KCNMA1: variants seen among roughly 807,000 people sequenced by gnomAD.
KCNMA1 encodes potassium calcium-activated channel subfamily M alpha 1.
A neutral mutation model predicts 140.0 loss-of-function variants in KCNMA1; 29 were observed. That is an observed-to-expected ratio of 0.21 (90% CI 0.15 to 0.28). The LOEUF is 0.28. KCNMA1 is among the 10% of genes least tolerant of loss of function. The probability of loss-of-function intolerance (pLI) is 1.00; values close to 1 mark genes in which losing one functional copy is unlikely to be tolerated. For missense variants in KCNMA1, 880 were observed against 1,602.2 expected, an observed-to-expected ratio of 0.55 and a Z score of 7.70; for synonymous variants, 612 against 611.9, an observed-to-expected ratio of 1.00 and a Z score of 0.00.
rs1255926812 is a variant in KCNMA1 at position 77,382,988 on chromosome 10, GTGTGTGTATATA to G, written c.540+20862_540+20873del. On this transcript the variant is annotated intron_variant, in intron 2 of 27. Coordinates refer to ENST00000286628, the MANE Select transcript of KCNMA1 (RefSeq NM_001161352.2). Reference sequence around the variant, plus strand: ...TGTGTGTGTGTGTGTGTGTGTGTGTGTGTGTGTATATATATATATATATATATATATATATAT... The same window carrying G: ...TGTGTGTGTGTGTGTGTGTGTGTGTGTATATATATATATATATATATATAT... Among the ~76,000 whole-genome samples, 287 of 44,930 alleles carry G rather than the reference GTGTGTGTATATA, an allele frequency of 6.4e-3. 2 individuals carry two copies. The highest frequency in any genetic ancestry group is 0.038 in the African/African-American group (269 of 7,086). The allele number at this position is 44,930 out of a possible 152,430, so 29.5% of individuals were successfully genotyped here.
intron 2 of KCNMA1, among the ~76,000 whole-genome samples, chr10:77,323,103 A>T (rs901562355): frequency 2.0e-5 from 3 of 152,132 alleles, no homozygotes; most frequent in African/African-American, 7.2e-5. Context: ...TCCTCATTTT[A>T]AAAAAGGGAA....
chr10:77,011,688 T>C (rs1219481899), intron 18 of KCNMA1, among the ~76,000 whole-genome samples: 3 of 152,178 alleles, frequency 2.0e-5, no homozygotes, highest in African/African-American at 7.2e-5. Context: ...TTGTCTCTGT[T>C]AGACTGGACA....
chr10:77,080,652 T>G (rs953961412), intron 12 of KCNMA1, among the ~76,000 whole-genome samples: 1 of 152,138 alleles, frequency 6.6e-6, no homozygotes, highest in African/African-American at 2.4e-5. Context: ...TGCATGTGCG[T>G]ACTGGGGAGT....
intron 23 of KCNMA1, among the ~76,000 whole-genome samples, chr10:76,920,051 T>C (rs1005367210): frequency 0.018 from 2,129 of 116,658 alleles, 107 homozygotes; most frequent in African/African-American, 0.075. Context: ...TATATATATA[T>C]ACACACAATA....
chr10:77,637,126 G>A (rs530108420), intron 1 of KCNMA1, 139 bp downstream of exon 1: 2 of 1,262,074 alleles, frequency 1.6e-6, no homozygotes, highest in Admixed American at 2.8e-5. Context: ...GGAGAGCCGA[G>A]GGAAGGGAAG....
intron 19 of KCNMA1, among the ~76,000 whole-genome samples, chr10:76,986,218 A>C (rs2081239570): frequency 6.6e-6 from 1 of 152,254 alleles, no homozygotes. Flanking sequence ...ATCTCTAACA[A>C]CAACAACAAC....
At chr10:77,117,756 T>C (rs555392750) in intron 6 of KCNMA1, among the ~76,000 whole-genome samples, 1 of 151,766 alleles carries the variant, frequency 6.6e-6, no homozygotes, top group Non-Finnish European at 1.5e-5. Flanking sequence ...GTGTGTTAGA[T>C]CTCCAGTTTG....
chr10:77,311,074 A>G (rs2079130007), intron 2 of KCNMA1, among the ~76,000 whole-genome samples: 1 of 152,190 alleles, frequency 6.6e-6, no homozygotes, highest in African/African-American at 2.4e-5. Context: ...TGAAGACCAA[A>G]GTCTGTCCAA....
chr10:77,567,468 C>T (rs2068773947), intron 1 of KCNMA1, among the ~76,000 whole-genome samples: 1 of 152,186 alleles, frequency 6.6e-6, no homozygotes, highest in African/African-American at 2.4e-5. Context: ...GGAGGAACTA[C>T]CGGCAGTTAT....
chr10:77,279,044 G>A (rs1009190464), intron 2 of KCNMA1, among the ~76,000 whole-genome samples: 4 of 152,096 alleles, frequency 2.6e-5, no homozygotes, highest in Non-Finnish European at 5.9e-5. Context: ...AGGTTTTTGG[G>A]GGGTGTGTTG....
At chr10:77,127,120 A>G (rs1248925384) in intron 5 of KCNMA1, among the ~76,000 whole-genome samples, 1 of 142,822 alleles carries the variant, frequency 7.0e-6, no homozygotes, top group African/African-American at 2.6e-5. Flanking sequence ...ACACACACAC[A>G]GAGTACATAT....
At chr10:77,599,366 C>T (rs2081935934) in intron 1 of KCNMA1, among the ~76,000 whole-genome samples, 1 of 152,146 alleles carries the variant, frequency 6.6e-6, no homozygotes, top group African/African-American at 2.4e-5. Context: ...TCGGAGTCTA[C>T]GATTTCCTCC....
intron 14 of KCNMA1, among the ~76,000 whole-genome samples, chr10:77,069,467 AGC>A (rs1302510627): frequency 6.6e-6 from 1 of 152,224 alleles, no homozygotes; most frequent in African/African-American, 2.4e-5. Context: ...GTTAAATCCT[AGC>A]ACTGCAGAAG....
intron 3 of KCNMA1, among the ~76,000 whole-genome samples, chr10:77,241,899 T>C (rs1478080012): frequency 6.6e-6 from 1 of 152,166 alleles, no homozygotes; most frequent in African/African-American, 2.4e-5. Flanking sequence ...AAATATAATA[T>C]TTAATATTCT....
At chr10:77,158,676 C>T (rs776370646) in intron 5 of KCNMA1, among the ~76,000 whole-genome samples, 1 of 152,096 alleles carries the variant, frequency 6.6e-6, no homozygotes, top group Non-Finnish European at 1.5e-5. Context: ...CTTGAGACCC[C>T]TTTGTTTCAT....
intron 2 of KCNMA1, among the ~76,000 whole-genome samples, chr10:77,260,890 C>T (rs1019739747): frequency 5.3e-5 from 8 of 152,252 alleles, no homozygotes; most frequent in African/African-American, 1.9e-4. Context: ...TCTGTGAAAA[C>T]AGATGTCATA....
chr10:76,970,386 T>G lies in KCNMA1; in HGVS notation c.2267-319A>C, dbSNP rs188913057. On this transcript the variant is annotated intron_variant, in intron 19 of 27. Transcript: ENST00000286628. ...ATCTGTATACCAAAAAAAATACTTA[T>G]CATTATTCTTAGAGTTAATTTTGGT... is the stretch of plus-strand genomic sequence containing the variant. 34 of 301,198 alleles carry G rather than the reference T, an allele frequency of 1.1e-4. No homozygotes were observed. In the East Asian group the frequency reaches 2.3e-3, roughly 21 times the overall value. 18.7% of individuals were successfully genotyped at this position (301,198 alleles called of 1,614,324 possible).
At chr10:77,083,488 C>G (rs1035034604) in intron 12 of KCNMA1, among the ~76,000 whole-genome samples, 1 of 147,058 alleles carries the variant, frequency 6.8e-6, no homozygotes, top group Non-Finnish European at 1.5e-5. Context: ...TATGACCTCC[C>G]CTAGATGTTC....
chr10:77,633,075 G>A (rs1172435939), intron 1 of KCNMA1, among the ~76,000 whole-genome samples: 1 of 152,226 alleles, frequency 6.6e-6, no homozygotes, highest in African/African-American at 2.4e-5. Flanking sequence ...CCAGCACTTT[G>A]GGAGGCCAAG....
Sources: gnomAD v4.1 joint callset for allele counts (sites outside exome capture counted in the v4.1 genomes callset) on GRCh38, gnomAD v4.1.1 for gene constraint, MANE v1.5 for transcripts, NCBI Gene and HGNC (gene_info 2026-07-23, HGNC 2026-07-21) for gene names.